Variants in ZNF268 observed in about 807,000 individuals in gnomAD.
ZNF268 encodes the protein zinc finger protein 3.
ZNF268 carries 20 observed loss-of-function variants against 29.3 expected under a neutral mutation model. The ratio of observed to expected loss-of-function variants is 0.68; its 90% CI spans 0.48 to 0.99. The LOEUF (loss-of-function observed/expected upper bound fraction) is 0.99, where lower values mean the gene tolerates loss of function less well. Among genes scored for constraint, ZNF268 ranks in the 50% least tolerant of loss-of-function variants. The pLI is 0.00. For missense variants in ZNF268, 1,240 were observed against 1,121.6 expected (o/e 1.11, Z -1.51); for synonymous variants, 429 against 376.9 (o/e 1.14, Z -1.60).
intron 3 of ZNF268, among the ~76,000 whole-genome samples, chr12:133,190,192 TG>T (rs1956431602): frequency 6.6e-6 from 1 of 152,236 alleles, no homozygotes. Context: ...CAAATTTATG[TG>T]CGCAGAGCAG....
At chr12:133,193,638 T>C (rs1274519691) in intron 5 of ZNF268, 1 of 469,706 alleles carries the variant, frequency 2.1e-6, no homozygotes, top group South Asian at 3.9e-5. Context: ...CAACTTAATC[T>C]TCTCTTAATA....
At position 133,202,809 on chromosome 12, in the gene ZNF268, C is replaced by G; in HGVS notation, c.1123C>G (p.Leu375Val). The change falls in exon 6 of 6, where the codon CTT becomes GTT. Residue 375 changes from leucine to valine, a missense_variant. Coordinates refer to ENST00000536435, the MANE Select transcript of ZNF268 (RefSeq NM_003415.3). The stretch of plus-strand genomic sequence containing the variant: ...GAAAGTCTTCAGTAGGAAAGACCAG[C>G]TTGTTTCACACCAGAAAACTCATTC... ...CGKVFSRKDQ[L>V]VSHQKTHSGQ... 1 of 1,605,780 alleles carries G rather than the reference C, an allele frequency of 6.2e-7. No individual in the cohort carries two copies. The highest frequency in any genetic ancestry group is 8.5e-7 in the Non-Finnish European group (1 of 1,177,964).
Position 133,203,288 on chromosome 12 carries a change from G to T in ZNF268, c.1602G>T (p.Gly534=). Residue 534 remains glycine (G), a synonymous_variant, in exon 6 of 6, where the codon GGG becomes GGT. Transcript: ENST00000536435. ...GEKLHECNNC[G]KAFSFKSQLI... ...AACTCCATGAATGCAACAATTGTGG[G>T]AAAGCCTTCAGTTTTAAATCACAGC... 1.9e-6 allele frequency: 3 copies of T among 1,539,800 alleles called. No homozygotes were observed. Among genetic ancestry groups the T allele is most frequent in the Non-Finnish European group, 2.6e-6 (3 of 1,147,390 alleles).
chr12:133,204,033 A>G lies in ZNF268; in HGVS notation c.2347A>G (p.Ser783Gly), dbSNP rs750058792. 1.9e-6 allele frequency: 3 copies of G among 1,572,194 alleles called. No homozygotes were observed. The highest frequency in any genetic ancestry group is 2.6e-6 in the Non-Finnish European group (3 of 1,161,882). The change falls in exon 6 of 6, where the codon AGT (serine) becomes GGT (glycine). Residue 783 changes from serine (S) to glycine (G), a missense_variant. Around this residue, in one of 3 missense-constraint regions of ZNF268, gnomAD observed 1,177 missense variants for 1,039.6 expected, o/e 1.13. Coordinates refer to ENST00000536435, the MANE Select transcript of ZNF268 (RefSeq NM_003415.3). ...TGCAGGGGAAAAGCCTTATGGGTGC[A>G]GTGAATGTGGGAAAGCTTTTAGCAG... ...THAGEKPYGCSECGKAFSSKS... is the reference protein window; with the variant it reads ...THAGEKPYGCGECGKAFSSKS...
chr12:133,204,664 G>C lies in ZNF268; in HGVS notation c.*134G>C. The C allele has an allele frequency of 1.5e-6, 1 of 657,554 alleles. No homozygotes were observed. The highest frequency in any genetic ancestry group is 2.4e-6 in the Non-Finnish European group (1 of 413,156). 40.7% of individuals were successfully genotyped at this position (657,554 alleles called of 1,614,324 possible). On this transcript the variant is annotated 3_prime_UTR_variant, in exon 6 of 6. Transcript: ENST00000536435. Reference sequence around the variant, plus strand: ...TGAATAGAAACTTTATGAATGCACAGCATATGGAAAGGCATCCACAGAAAG... The same window carrying C: ...TGAATAGAAACTTTATGAATGCACACCATATGGAAAGGCATCCACAGAAAG...
chr12:133,210,634 G>T lies in ZNF268; in HGVS notation c.*6104G>T, dbSNP rs537768117. The T allele has an allele frequency of 4.0e-5, 14 of 349,082 alleles. No individual in the cohort carries two copies. The highest frequency in any genetic ancestry group is 9.8e-4 in the Middle Eastern group (1 of 1,020). The allele number at this position is 349,082 out of a possible 1,614,324, so 21.6% of individuals were successfully genotyped here. On this transcript the variant is annotated 3_prime_UTR_variant, in exon 6 of 6. Transcript: ENST00000536435. The stretch of plus-strand genomic sequence containing the variant: ...TGAGGTAAATTCTGGTCATCACTGT[G>T]AAGTGCCCTCGGGGGTCTCCGGGTC...
At chr12:133,198,401 T>C (rs1026995500) in intron 5 of ZNF268, among the ~76,000 whole-genome samples, 2 of 151,100 alleles carry the variant, frequency 1.3e-5, no homozygotes, top group African/African-American at 4.9e-5. Context: ...TATATCTCTG[T>C]TTTGGTACCA....
At position 133,204,345 on chromosome 12, in the gene ZNF268, T is replaced by G; in HGVS notation, c.2659T>G (p.Ser887Ala). The G allele has an allele frequency of 3.8e-6, 6 of 1,569,070 alleles. No homozygotes were observed. The highest frequency in any genetic ancestry group is 4.3e-6 in the Non-Finnish European group (5 of 1,161,040). Residue 887 changes from serine (S) to alanine (A), a missense_variant, in exon 6 of 6, where the codon TCA (serine) becomes GCA (alanine). By Grantham distance (99) the Ser-to-Ala change is moderately conservative. Around this residue, in one of 3 missense-constraint regions of ZNF268, gnomAD observed 1,177 missense variants for 1,039.6 expected, o/e 1.13. Transcript: ENST00000536435. ...SQLIVHQRTH[S>A]GEKPYGCNEC... is the part of the protein sequence containing the mutation. ...ACTCATTGTACATCAAAGAACTCAT[T>G]CAGGAGAGAAACCCTATGGGTGCAA...
chr12:133,213,095 T>C lies in ZNF268; in HGVS notation c.*8565T>C, dbSNP rs140853372. On this transcript the variant is annotated 3_prime_UTR_variant, in exon 6 of 6. Coordinates refer to ENST00000536435, the MANE Select transcript of ZNF268 (RefSeq NM_003415.3). ...GTCTCAAACTCCTGTCCTCAAGTGATCCACTTACCTTGGCCTCCCAAAGTG... is the reference window on the plus strand; with the variant it reads ...GTCTCAAACTCCTGTCCTCAAGTGACCCACTTACCTTGGCCTCCCAAAGTG... 0.092 allele frequency: 14,014 copies of C among 152,220 alleles called. 1,180 individuals are homozygous for C. Among genetic ancestry groups the C allele is most frequent in the African/African-American group, 0.23 (9,584 of 41,508 alleles). 9.4% of individuals were successfully genotyped at this position (152,220 alleles called of 1,614,324 possible).
rs962996574 is a variant in ZNF268 at position 133,204,252 on chromosome 12, A to G, written c.2566A>G (p.Arg856Gly). 5 of 1,546,768 alleles carry G rather than the reference A, an allele frequency of 3.2e-6. No individual in the cohort carries two copies. Among genetic ancestry groups the G allele is most frequent in the East Asian group, 4.8e-5 (2 of 41,306 alleles). The change falls in exon 6 of 6, where the codon AGA (arginine) becomes GGA (glycine). Residue 856 changes from arginine to glycine, a missense_variant. By Grantham distance (125) the Arg-to-Gly change is moderately radical. Transcript: ENST00000536435. Reference protein sequence around the residue: ...SGKLRLLVHQRMHTREKPYEC... With the variant: ...SGKLRLLVHQGMHTREKPYEC... ...GAAATTACGCCTTCTTGTACACCAG[A>G]GAATGCACACAAGAGAGAAACCATA...
intron 3 of ZNF268, among the ~76,000 whole-genome samples, chr12:133,190,055 G>A (rs935093922): frequency 6.6e-5 from 10 of 152,138 alleles, no homozygotes; most frequent in Middle Eastern, 3.2e-3. Context: ...TGATCTGCCC[G>A]CCTCGGCCTC....
intron 3 of ZNF268, 127 bp from the exon 4 acceptor site, chr12:133,191,362 T>C (rs2135497205): frequency 1.9e-6 from 2 of 1,033,646 alleles, no homozygotes; most frequent in East Asian, 2.5e-5. Context: ...TAATGCACAT[T>C]GATGGATGTT....
Position 133,204,575 on chromosome 12 carries a change from C to T in ZNF268, c.*45C>T. 7.3e-7 allele frequency: 1 copy of T among 1,360,846 alleles called. No individual in the cohort carries two copies. Among genetic ancestry groups the T allele is most frequent in the Admixed American group, 2.8e-5 (1 of 36,324 alleles). The allele number at this position is 1,360,846 out of a possible 1,614,324, so 84.3% of individuals were successfully genotyped here. ...AAAGTGGATTCACAAGAGATAGAAACAATCATATATAAAGAGAAACTCTGT... is the reference window on the plus strand; with the variant it reads ...AAAGTGGATTCACAAGAGATAGAAATAATCATATATAAAGAGAAACTCTGT... On this transcript the variant is annotated 3_prime_UTR_variant, in exon 6 of 6. Coordinates refer to ENST00000536435, the MANE Select transcript of ZNF268 (RefSeq NM_003415.3).
At position 133,202,839 on chromosome 12, in the gene ZNF268, C is replaced by T; in HGVS notation, c.1153C>T (p.Gln385Ter). ...LVSHQKTHSG[Q>*]KPYVCNECGK... ...TTCACACCAGAAAACTCATTCAGGA[C>T]AGAAACCATATGTGTGTAATGAATG... Residue 385 changes from glutamine to a stop codon, truncating the protein, a stop_gained, in exon 6 of 6, where the codon CAG becomes TAG. Transcript: ENST00000536435. LOFTEE classifies it low-confidence loss of function (END_TRUNC). 2.5e-6 allele frequency: 4 copies of T among 1,591,514 alleles called. No homozygotes were observed. The highest frequency in any genetic ancestry group is 3.4e-6 in the Non-Finnish European group (4 of 1,171,580).
chr12:133,205,709 G>A lies in ZNF268; in HGVS notation c.*1179G>A, dbSNP rs1956886985. ...CAACCTCTTTAGTAATCAATATAAG[G>A]CACACTTCATGTGTTTGTGTAGCCT... On this transcript the variant is annotated 3_prime_UTR_variant, in exon 6 of 6. Coordinates refer to ENST00000536435, the MANE Select transcript of ZNF268 (RefSeq NM_003415.3). The A allele has an allele frequency of 6.6e-6, 1 of 152,170 alleles. No individual in the cohort carries two copies. The highest frequency in any genetic ancestry group is 1.5e-5 in the Non-Finnish European group (1 of 68,034). 9.4% of individuals were successfully genotyped at this position (152,170 alleles called of 1,614,324 possible).
At chr12:133,188,162 G>C in intron 3 of ZNF268, 90 bp downstream of exon 3, 1 of 1,229,432 alleles carries the variant, frequency 8.1e-7, no homozygotes, top group Non-Finnish European at 1.1e-6. Flanking sequence ...TAGGTCAGAG[G>C]GTTAAGTTAA....
At chr12:133,188,215 G>A in intron 3 of ZNF268, 143 bp downstream of exon 3, 1 of 718,528 alleles carries the variant, frequency 1.4e-6, no homozygotes, top group Non-Finnish European at 2.2e-6. Flanking sequence ...TTTTTTTTTT[G>A]AGACAGGGTC....
chr12:133,204,585 TAA>T lies in ZNF268; in HGVS notation c.*57_*58del, dbSNP rs1252252241. Reference sequence around the variant, plus strand: ...CACAAGAGATAGAAACAATCATATATAAAGAGAAACTCTGTAAGTGGAATCAT... The same window carrying T: ...CACAAGAGATAGAAACAATCATATATAGAGAAACTCTGTAAGTGGAATCAT... On this transcript the variant is annotated 3_prime_UTR_variant, in exon 6 of 6. Coordinates refer to ENST00000536435, the MANE Select transcript of ZNF268 (RefSeq NM_003415.3). 3 of 1,301,756 alleles carry T rather than the reference TAA, an allele frequency of 2.3e-6. No homozygotes were observed. In the African/African-American group the frequency reaches 4.5e-5, roughly 19 times the overall value. The allele number at this position is 1,301,756 out of a possible 1,614,324, so 80.6% of individuals were successfully genotyped here.
intron 5 of ZNF268, among the ~76,000 whole-genome samples, chr12:133,197,115 C>G (rs1056280549): frequency 1.3e-5 from 2 of 150,178 alleles, no homozygotes; most frequent in Non-Finnish European, 3.0e-5. Context: ...TGTACATGTG[C>G]CATGCTAGTG....
Sources: gnomAD v4.1 joint callset for allele counts (sites outside exome capture counted in the v4.1 genomes callset) on GRCh38, gnomAD v4.1.1 for gene constraint, gnomAD v4.1.1 regional missense constraint, MANE v1.5 for transcripts, NCBI Gene and HGNC (gene_info 2026-07-23, HGNC 2026-07-21) for gene names.